HERC4: variants seen among roughly 807,000 people sequenced by gnomAD.
HERC4 encodes the protein probable E3 ubiquitin-protein ligase HERC4.
In HERC4, 28 loss-of-function variants were observed where a neutral mutation model predicts 124.3. The ratio of observed to expected loss-of-function variants is 0.23; its 90% CI spans 0.17 to 0.31. HERC4 has a LOEUF of 0.31. Among genes scored for constraint, HERC4 ranks in the 10% least tolerant of loss-of-function variants. The pLI, the probability that HERC4 is intolerant of heterozygous loss-of-function variation, is 1.00. For missense variants in HERC4, 713 were observed against 1,229.3 expected (o/e 0.58, Z 6.28); for synonymous variants, 407 against 421.5 (o/e 0.97, Z 0.42).
At chr10:68,024,600 A>G (rs950556785) in intron 8 of HERC4, among the ~76,000 whole-genome samples, 2 of 152,316 alleles carry the variant, frequency 1.3e-5, no homozygotes, top group Non-Finnish European at 2.9e-5. Flanking sequence ...AAAAATCATA[A>G]AAGTCTGATG....
At chr10:68,010,302 C>T (rs1157823843) in intron 9 of HERC4, 2 of 962,902 alleles carry the variant, frequency 2.1e-6, no homozygotes, top group Admixed American at 4.1e-5. Flanking sequence ...GCTCCCATAG[C>T]CTGGGGTACC....
At chr10:68,012,839 T>C (rs1272517074) in intron 9 of HERC4, among the ~76,000 whole-genome samples, 1 of 152,222 alleles carries the variant, frequency 6.6e-6, no homozygotes, top group African/African-American at 2.4e-5. Flanking sequence ...TTATAAGCTT[T>C]AGTAATTCTC....
chr10:67,952,311 G>C (rs910457673), intron 19 of HERC4, among the ~76,000 whole-genome samples: 1 of 152,078 alleles, frequency 6.6e-6, no homozygotes, highest in African/African-American at 2.4e-5. Flanking sequence ...ACTAAAGAGA[G>C]TCTCGTTTTG....
chr10:68,052,398 A>C (rs1418377314), intron 3 of HERC4, among the ~76,000 whole-genome samples: 1 of 149,348 alleles, frequency 6.7e-6, no homozygotes, highest in African/African-American at 2.6e-5. Context: ...TTTTTAAAAC[A>C]GTTAAAATGA....
At chr10:68,039,339 GAAAGA>G in intron 4 of HERC4, 1 of 1,194,994 alleles carries the variant, frequency 8.4e-7, no homozygotes, top group Non-Finnish European at 1.1e-6. Context: ...AAAAAAGAAA[GAAAGA>G]AAAGAAAAAA....
intron 17 of HERC4, chr10:67,955,853 T>C (rs2034109750): frequency 6.6e-6 from 1 of 152,206 alleles, no homozygotes; most frequent in African/African-American, 2.4e-5. Context: ...TAAGTGATCA[T>C]GGTATGTGCT....
intron 22 of HERC4, 79 bp downstream of exon 22, chr10:67,936,074 T>G: frequency 2.3e-6 from 2 of 864,528 alleles, no homozygotes; most frequent in Non-Finnish European, 3.6e-6. Context: ...AGCTTAGGGT[T>G]GTGACACGTT....
At chr10:68,025,922 T>C (rs2038875490) in intron 7 of HERC4, among the ~76,000 whole-genome samples, 1 of 152,196 alleles carries the variant, frequency 6.6e-6, no homozygotes, top group South Asian at 2.1e-4. Context: ...AATTATTTAT[T>C]TGCATTGCCT....
intron 5 of HERC4, among the ~76,000 whole-genome samples, chr10:68,034,821 CTT>C (rs1178913773): frequency 2.7e-5 from 4 of 145,784 alleles, no homozygotes; most frequent in Non-Finnish European, 4.5e-5. Flanking sequence ...ACTCCTCTCT[CTT>C]TTTTTTTTTA....
intron 9 of HERC4, among the ~76,000 whole-genome samples, chr10:67,996,639 A>C (rs1261695923): frequency 6.6e-6 from 1 of 152,148 alleles, no homozygotes; most frequent in Non-Finnish European, 1.5e-5. Flanking sequence ...AAGATGAGCA[A>C]TATTGAGTGC....
intron 3 of HERC4, among the ~76,000 whole-genome samples, chr10:68,057,500 T>C (rs2040608090): frequency 6.6e-6 from 1 of 151,564 alleles, no homozygotes; most frequent in South Asian, 2.1e-4. Context: ...GGCAGGCGCC[T>C]ATAATCCCAG....
In HERC4 at chr10:68,011,303, C is replaced by A. The variant is rs928945085; in HGVS notation, c.1069+2723G>T. Among the ~76,000 whole-genome samples the A allele has an allele frequency of 4.6e-5, 7 of 152,352 alleles. No individual in the cohort carries two copies. In the East Asian group the frequency reaches 1.3e-3, roughly 29 times the overall value. On this transcript the variant is annotated intron_variant, in intron 9 of 24. Transcript: ENST00000373700. ...CTGGCTTCAAGCAATCCTCTCACTTCACAAATGTTCTTAACAGTAACTGGA... is the reference window on the plus strand; with the variant it reads ...CTGGCTTCAAGCAATCCTCTCACTTAACAAATGTTCTTAACAGTAACTGGA...
chr10:68,003,416 G>A (rs1024670171), intron 9 of HERC4, among the ~76,000 whole-genome samples: 3 of 148,446 alleles, frequency 2.0e-5, no homozygotes, highest in African/African-American at 5.0e-5. Context: ...CTCATGATCT[G>A]CCCGCCTCAG....
intron 9 of HERC4, among the ~76,000 whole-genome samples, chr10:68,004,000 C>G (rs949658400): frequency 6.6e-6 from 1 of 151,724 alleles, no homozygotes; most frequent in Non-Finnish European, 1.5e-5. Context: ...TTCTCCATAT[C>G]CTTGCCAGCA....
rs564367940 is a variant in HERC4, at chr10:68,045,433, T to G, written c.227-870A>C. 2.0e-5 allele frequency among the ~76,000 whole-genome samples: 3 copies of G among 152,306 alleles called. No individual in the cohort carries two copies. In the South Asian group the frequency reaches 6.2e-4, roughly 32 times the overall value. Reference sequence around the variant, plus strand: ...TAAAGCATCTATTAGATATGGTGAGTAGAGAACTGAAAGGCAGTAAACCAT... The same window carrying G: ...TAAAGCATCTATTAGATATGGTGAGGAGAGAACTGAAAGGCAGTAAACCAT... On this transcript the variant is annotated intron_variant, in intron 3 of 24. Coordinates refer to ENST00000373700, the MANE Select transcript of HERC4 (RefSeq NM_015601.4).
chr10:68,035,131 G>A (rs904177011), intron 5 of HERC4, among the ~76,000 whole-genome samples: 5 of 150,456 alleles, frequency 3.3e-5, no homozygotes, highest in African/African-American at 1.2e-4. Context: ...CAGAATCCTG[G>A]TTCCTCTTTC....
chr10:67,992,862 T>G (rs937414040), intron 9 of HERC4, 180 bp from the exon 10 acceptor site: 3 of 494,822 alleles, frequency 6.1e-6, no homozygotes, highest in Non-Finnish European at 7.2e-6. Flanking sequence ...GACCAAATGA[T>G]GAACATTAAA....
intron 3 of HERC4, among the ~76,000 whole-genome samples, chr10:68,059,556 TATATC>T (rs2040770938): frequency 1.0e-5 from 1 of 95,510 alleles, no homozygotes; most frequent in Non-Finnish European, 1.9e-5. Flanking sequence ...TATCATAATA[TATATC>T]ATAATATTAT....
chr10:67,992,747 G>T, intron 9 of HERC4, 65 bp from the exon 10 acceptor site: 1 of 779,816 alleles, frequency 1.3e-6, no homozygotes, highest in South Asian at 1.7e-5. Context: ...GCATCAATAT[G>T]CCATTAGATT....
Sources: gnomAD v4.1 joint callset for allele counts (sites outside exome capture counted in the v4.1 genomes callset) on GRCh38, gnomAD v4.1.1 for gene constraint, MANE v1.5 for transcripts, NCBI Gene and HGNC (gene_info 2026-07-23, HGNC 2026-07-21) for gene names.